Variants in FAP observed in about 807,000 individuals in gnomAD.
The protein encoded by FAP is fibroblast activation protein alpha.
FAP carries 110 observed loss-of-function variants against 126.5 expected under a neutral mutation model. The observed-to-expected ratio is 0.87, with a 90% CI of 0.74 to 1.02. The LOEUF (loss-of-function observed/expected upper bound fraction) is 1.02. Among genes scored for constraint, FAP ranks in the 50% least tolerant of loss-of-function variants. FAP has a pLI of 0.00. For missense variants in FAP, 919 were observed against 909.2 expected, an observed-to-expected ratio of 1.01 and a Z score of -0.14; for synonymous variants, 334 against 297.3, an observed-to-expected ratio of 1.12 and a Z score of -1.27.
chr2:162,175,927 A>C (rs1687468938), intron 21 of FAP: 1 of 152,162 alleles, frequency 6.6e-6, no homozygotes, highest in Non-Finnish European at 1.5e-5. Flanking sequence ...GACCAAAAAA[A>C]AATGTGTGCA....
chr2:162,180,249 T>C lies in FAP; in HGVS notation c.1869+3165A>G, dbSNP rs185411072. Among the ~76,000 whole-genome samples the C allele has an allele frequency of 1.2e-3, 189 of 152,252 alleles. 2 individuals are homozygous for C. Among genetic ancestry groups the C allele is most frequent in the South Asian group, 8.1e-3 (39 of 4,830 alleles). On this transcript the variant is annotated intron_variant, in intron 21 of 25. Transcript: ENST00000188790. ...GCAGGCAATGCAGAGTCCTATAAAA[T>C]ACATAAGCAGAAAAGCCACACAGTA...
intron 22 of FAP, among the ~76,000 whole-genome samples, chr2:162,174,329 TG>T (rs1482842718): frequency 1.3e-5 from 2 of 152,202 alleles, no homozygotes; most frequent in Non-Finnish European, 2.9e-5. Context: ...AGCTAATTTT[TG>T]TAAAATTATT....
chr2:162,226,575 A>G lies in FAP; in HGVS notation c.138T>C (p.Asp46=), dbSNP rs1689659994. 1 of 1,601,838 alleles carries G rather than the reference A, an allele frequency of 6.2e-7. No homozygotes were observed. Among genetic ancestry groups the G allele is most frequent in the Non-Finnish European group, 8.5e-7 (1 of 1,172,834 alleles). The change falls in exon 3 of 26, where the codon GAT becomes GAC. Residue 46 remains aspartate (D), a synonymous_variant. Coordinates refer to ENST00000188790, the MANE Select transcript of FAP (RefSeq NM_004460.5). ...TATAAGAAAATGTTCCATTTAAAAT[A>G]TCCTTCAGTGTGAGTGCTCTCATTG... ...ENTMRALTLK[D]ILNGTFSYKT... is the part of the protein sequence containing the mutation.
intron 21 of FAP, among the ~76,000 whole-genome samples, chr2:162,177,614 G>A (rs1687528780): frequency 6.6e-6 from 1 of 152,094 alleles, no homozygotes; most frequent in Admixed American, 6.5e-5. Context: ...TTGCCATTCT[G>A]ATTTAAAATT....
intron 25 of FAP, chr2:162,171,478 T>C (rs1331527278): frequency 5.9e-6 from 1 of 168,882 alleles, no homozygotes; most frequent in Non-Finnish European, 1.3e-5. Flanking sequence ...GCTCAAAAAT[T>C]CCATGAGGCT....
At chr2:162,222,161 A>T (rs961845089) in intron 6 of FAP, among the ~76,000 whole-genome samples, 1 of 152,330 alleles carries the variant, frequency 6.6e-6, no homozygotes, top group Non-Finnish European at 1.5e-5. Context: ...CTCACAAAAG[A>T]ATTTCAAAAT....
rs146143359 is a variant in FAP at position 162,236,838 on chromosome 2, A to G, written c.91+6070T>C. Among the ~76,000 whole-genome samples, 115 of 152,188 alleles carry G rather than the reference A, an allele frequency of 7.6e-4. No individual in the cohort carries two copies. The East Asian group carries it at 0.015, about 20-fold the overall frequency. On this transcript the variant is annotated intron_variant, in intron 2 of 25. Transcript: ENST00000188790. ...GGCTGGTCTTGAACTCCTGGCCTCA[A>G]GTGATCCATCATCTCAGCCTCCCAA... is the stretch of plus-strand genomic sequence containing the variant.
At chr2:162,178,134 A>C (rs550708736) in intron 21 of FAP, among the ~76,000 whole-genome samples, 2 of 152,320 alleles carry the variant, frequency 1.3e-5, no homozygotes, top group East Asian at 3.9e-4. Flanking sequence ...ATCGTTGATC[A>C]CACATAGCAA....
intron 18 of FAP, among the ~76,000 whole-genome samples, 163 bp downstream of exon 18, chr2:162,189,493 T>C (rs1463803112): frequency 6.6e-6 from 1 of 151,974 alleles, no homozygotes; most frequent in East Asian, 1.9e-4. Context: ...TTAAAGATAT[T>C]TAGTAAAACT....
rs377342625 is a variant in FAP, at chr2:162,203,053, G to C, written c.1140C>G (p.Ile380Met). ...GGAAGGAACGTACCACAGTGTCTTT[G>C]ATATAGTGAATATGTTTGTAGCCAT... is the stretch of plus-strand genomic sequence containing the variant. ...DKDGYKHIHY[I>M]KDTVENAIQI... Residue 380 changes from isoleucine to methionine, a missense_variant, in exon 13 of 26, where the codon ATC (isoleucine) becomes ATG (methionine). Coordinates refer to ENST00000188790, the MANE Select transcript of FAP (RefSeq NM_004460.5). 2 of 1,611,778 alleles carry C rather than the reference G, an allele frequency of 1.2e-6. No homozygotes were observed. The highest frequency in any genetic ancestry group is 2.7e-5 in the African/African-American group (2 of 74,874).
chr2:162,209,490 A>C (rs16846368), intron 12 of FAP: 5,411 of 152,852 alleles, frequency 0.035, 482 homozygotes, highest in Admixed American at 0.22. Context: ...AAATACTGGA[A>C]GGAGTATACA....
rs1176627851 is a variant in FAP at position 162,171,016 on chromosome 2, G to A, written c.2246C>T (p.Thr749Ile). 6.2e-7 allele frequency: 1 copy of A among 1,613,326 alleles called. No individual in the cohort carries two copies. Among genetic ancestry groups the A allele is most frequent in the South Asian group, 1.1e-5 (1 of 91,058 alleles). Residue 749 changes from threonine (T) to isoleucine (I), a missense_variant, in exon 26 of 26, where the codon ACC becomes ATC. By Grantham distance (89) the Thr-to-Ile change is moderately conservative. Transcript: ENST00000188790. ...AGAGAAACACTGCTTTAGGAAGTGG[G>A]TCATGTGGGTGTATAAGTGGTTCGT... ...LSTNHLYTHM[T>I]HFLKQCFSLS... is the part of the protein sequence containing the mutation.
chr2:162,211,192 C>G (rs1688919699), intron 11 of FAP, among the ~76,000 whole-genome samples: 1 of 152,134 alleles, frequency 6.6e-6, no homozygotes, highest in African/African-American at 2.4e-5. Context: ...CATCCCTCAG[C>G]TGGATGTTGA....
intron 16 of FAP, among the ~76,000 whole-genome samples, chr2:162,195,805 A>T (rs554484379): frequency 2.6e-5 from 4 of 152,332 alleles, no homozygotes; most frequent in African/African-American, 9.6e-5. Flanking sequence ...TTGCTCAGTC[A>T]GTAGGTTAAA....
At chr2:162,172,561 G>T (rs1687347401) in intron 25 of FAP, 1 of 405,496 alleles carries the variant, frequency 2.5e-6, no homozygotes, top group Non-Finnish European at 4.5e-6. Flanking sequence ...TGAACTAGAA[G>T]ATCATTTAAT....
At chr2:162,206,863 C>G (rs1009433547) in intron 12 of FAP, among the ~76,000 whole-genome samples, 1 of 152,206 alleles carries the variant, frequency 6.6e-6, no homozygotes, top group African/African-American at 2.4e-5. Context: ...AACCTATTTT[C>G]TAGTTCTGTG....
intron 10 of FAP, 71 bp downstream of exon 10, chr2:162,215,827 C>T: frequency 9.5e-7 from 1 of 1,055,116 alleles, no homozygotes; most frequent in South Asian, 1.4e-5. Flanking sequence ...TTTGTTTTTG[C>T]TTCTAGCATG....
chr2:162,221,532 A>C (rs2106279979), intron 6 of FAP: 1 of 366,910 alleles, frequency 2.7e-6, no homozygotes, highest in Admixed American at 3.5e-5. Flanking sequence ...CTCAAAAAAA[A>C]AAATAAGAAG....
rs952045663 is a variant in FAP, at chr2:162,198,700, G to A, written c.1402+57C>T. Reference sequence around the variant, plus strand: ...CTACGAATTGATCAGATAGAGGTGAGGAGGATGACAACCATGCCTGTGGGG... The same window carrying A: ...CTACGAATTGATCAGATAGAGGTGAAGAGGATGACAACCATGCCTGTGGGG... On this transcript the variant is annotated intron_variant, in intron 16 of 25. Transcript: ENST00000188790. 7.5e-6 allele frequency: 12 copies of A among 1,597,764 alleles called. No individual in the cohort carries two copies. In the East Asian group the frequency reaches 2.5e-4, roughly 33 times the overall value.
Sources: allele counts gnomAD v4.1 joint callset (sites outside exome capture counted in the v4.1 genomes callset), GRCh38; gene constraint gnomAD v4.1.1; transcripts MANE v1.5; gene names NCBI Gene and HGNC (gene_info 2026-07-23, HGNC 2026-07-21).